Variants in ATRNL1 observed in about 807,000 individuals in gnomAD.
The protein encoded by ATRNL1 is attractin-like protein 1.
Under a neutral mutation model 182.7 loss-of-function variants are expected in ATRNL1, and 95 were observed. The observed-to-expected ratio is 0.52, with a 90% CI of 0.44 to 0.62. The LOEUF (loss-of-function observed/expected upper bound fraction) is 0.62, where lower values mean the gene tolerates loss of function less well. Among genes scored for constraint, ATRNL1 ranks in the 20% least tolerant of loss-of-function variants. ATRNL1 has a pLI of 0.00. For synonymous variants in ATRNL1, 576 were observed against 568.3 expected (o/e 1.01, Z -0.19); for missense variants, 1,471 against 1,679.5 (o/e 0.88, Z 2.17).
chr10:115,433,984 C>T (rs1846286034), intron 21 of ATRNL1, among the ~76,000 whole-genome samples: 1 of 152,098 alleles, frequency 6.6e-6, no homozygotes, highest in South Asian at 2.1e-4. Context: ...AGCTGATATG[C>T]TGTACTTACC....
intron 13 of ATRNL1, 124 bp downstream of exon 13, chr10:115,268,568 A>G (rs1203119318): frequency 1.1e-5 from 7 of 629,820 alleles, no homozygotes; most frequent in East Asian, 1.1e-4. Context: ...TAGAAAGTAT[A>G]TAGGGAATCA....
At chr10:115,679,470 T>G (rs887694214) in intron 26 of ATRNL1, among the ~76,000 whole-genome samples, 1 of 152,120 alleles carries the variant, frequency 6.6e-6, no homozygotes, top group African/African-American at 2.4e-5. Flanking sequence ...TCAGATCTGC[T>G]GTATTGCTTT....
chr10:115,155,496 A>G (rs2143948760), intron 5 of ATRNL1, among the ~76,000 whole-genome samples: 1 of 152,304 alleles, frequency 6.6e-6, no homozygotes, highest in Admixed American at 6.5e-5. Context: ...TCCACAATTA[A>G]ACTGAAGCTT....
At chr10:115,103,366 T>G (rs1843862850) in intron 1 of ATRNL1, among the ~76,000 whole-genome samples, 1 of 152,164 alleles carries the variant, frequency 6.6e-6, no homozygotes. Flanking sequence ...ACCAAAATAT[T>G]TTATGTTCTT....
intron 8 of ATRNL1, among the ~76,000 whole-genome samples, chr10:115,177,362 G>A (rs781864378): frequency 6.6e-6 from 1 of 152,122 alleles, no homozygotes; most frequent in Non-Finnish European, 1.5e-5. Context: ...GTTTGAAAAG[G>A]AAAGCACAAA....
intron 27 of ATRNL1, among the ~76,000 whole-genome samples, chr10:115,806,718 C>A (rs11197454): frequency 6.6e-6 from 1 of 151,870 alleles, no homozygotes; most frequent in Non-Finnish European, 1.5e-5. Context: ...AACAGACTGC[C>A]TGAGTTTAAA....
chr10:115,117,486 G>A (rs1043331271), intron 1 of ATRNL1, among the ~76,000 whole-genome samples: 1 of 151,930 alleles, frequency 6.6e-6, no homozygotes. Flanking sequence ...CTTATTTCAC[G>A]AAACATAATG....
chr10:115,111,133 A>G (rs140037105), intron 1 of ATRNL1, among the ~76,000 whole-genome samples: 246 of 152,330 alleles, frequency 1.6e-3, no homozygotes, highest in African/African-American at 5.6e-3. Flanking sequence ...AGGGGAAGAG[A>G]TTGATCTTAT....
chr10:115,659,856 C>G (rs1860565928), intron 26 of ATRNL1, among the ~76,000 whole-genome samples: 1 of 152,030 alleles, frequency 6.6e-6, no homozygotes, highest in African/African-American at 2.4e-5. Flanking sequence ...GAAGACATGG[C>G]ATATTTGAGT....
chr10:115,653,398 A>T (rs782725333), intron 26 of ATRNL1, among the ~76,000 whole-genome samples: 23 of 152,028 alleles, frequency 1.5e-4, no homozygotes, highest in Non-Finnish European at 2.4e-4. Context: ...TCTCAATGTG[A>T]CTTCTTGCCC....
rs565421073 is a variant in ATRNL1 at position 115,093,504 on chromosome 10, G to A, written c.-247G>A. ...CCGGGTCCGGGACGCCGCGGCTGTG[G>A]GGTCGGCCCGCTAAGGACAAGGTCG... is the stretch of plus-strand genomic sequence containing the variant. On this transcript the variant is annotated 5_prime_UTR_variant, in exon 1 of 29. Coordinates refer to ENST00000355044, the MANE Select transcript of ATRNL1 (RefSeq NM_207303.4). This position sits in a 1 kb window ranked among gnomAD's most constrained non-coding sequence, Gnocchi z 6.1. 1.5e-6 allele frequency: 1 copy of A among 651,334 alleles called. No individual in the cohort carries two copies. The highest frequency in any genetic ancestry group is 1.5e-5 in the South Asian group (1 of 65,002). The allele number at this position is 651,334 out of a possible 1,614,324, so 40.3% of individuals were successfully genotyped here.
intron 20 of ATRNL1, among the ~76,000 whole-genome samples, chr10:115,411,111 T>C (rs527747707): frequency 8.6e-4 from 131 of 152,112 alleles, no homozygotes; most frequent in African/African-American, 2.9e-3. Flanking sequence ...TCTGTAATAT[T>C]TTAAAATTAT....
intron 28 of ATRNL1, among the ~76,000 whole-genome samples, chr10:115,861,792 C>A (rs1227278529): frequency 2.0e-5 from 3 of 151,990 alleles, no homozygotes; most frequent in Non-Finnish European, 4.4e-5. Flanking sequence ...TCATTTTTAA[C>A]ACCATTCTTT....
intron 21 of ATRNL1, among the ~76,000 whole-genome samples, chr10:115,430,744 T>C (rs1290069965): frequency 2.1e-5 from 3 of 143,184 alleles, no homozygotes; most frequent in East Asian, 3.9e-4. Context: ...TGTTAAGGTA[T>C]TTTTGCCCTT....
chr10:115,905,253 C>T (rs1278444586), intron 28 of ATRNL1, among the ~76,000 whole-genome samples: 1 of 152,098 alleles, frequency 6.6e-6, no homozygotes, highest in African/African-American at 2.4e-5. Context: ...CAGGGTCCTA[C>T]TCTGTCACCC....
chr10:115,248,500 A>T (rs76619241), intron 10 of ATRNL1, among the ~76,000 whole-genome samples: 3 of 152,334 alleles, frequency 2.0e-5, no homozygotes, highest in African/African-American at 7.2e-5. Context: ...GTGATTCGTT[A>T]TCTGGGAATC....
At position 115,467,140 on chromosome 10, in the gene ATRNL1, C is replaced by A. The variant is rs138824865; in HGVS notation, c.3418-34C>A. On this transcript the variant is annotated intron_variant, in intron 22 of 28. Transcript: ENST00000355044. ...AATCATATATATCTAGTGTAATTTT[C>A]GTTTTTTAACCTTAATATTTTCTTT... The A allele has an allele frequency of 2.4e-4, 306 of 1,277,144 alleles. 1 individual carries two copies. The African/African-American group carries it at 4.2e-3, about 17-fold the overall frequency. 79.1% of individuals were successfully genotyped at this position (1,277,144 alleles called of 1,614,324 possible). A position where few individuals can be genotyped will look rare whatever the true frequency, so the allele number is the denominator to read the frequency against.
At chr10:115,264,163 A>G (rs1210898662) in intron 10 of ATRNL1, among the ~76,000 whole-genome samples, 1 of 151,510 alleles carries the variant, frequency 6.6e-6, no homozygotes, top group East Asian at 1.9e-4. Flanking sequence ...TACATGTGCC[A>G]TGTTGGTGTT....
At chr10:115,176,369 A>T (rs1847507318) in intron 8 of ATRNL1, among the ~76,000 whole-genome samples, 1 of 152,154 alleles carries the variant, frequency 6.6e-6, no homozygotes, top group Non-Finnish European at 1.5e-5. Flanking sequence ...TTAGACATGA[A>T]GTCCTTGCCC....
Sources: gnomAD v4.1 joint callset for allele counts (sites outside exome capture counted in the v4.1 genomes callset) on GRCh38, gnomAD v4.1.1 for gene constraint, Gnocchi (gnomAD v3.1) non-coding constraint, MANE v1.5 for transcripts, NCBI Gene and HGNC (gene_info 2026-07-23, HGNC 2026-07-21) for gene names.